Variants in PIEZO1 observed in about 807,000 individuals in gnomAD.
PIEZO1 encodes piezo type mechanosensitive ion channel component 1 (Er blood group), also known as piezo-type mechanosensitive ion channel component 1.
In PIEZO1, 296 loss-of-function variants were observed where a neutral mutation model predicts 297.2. The observed-to-expected ratio is 1.00, with a 90% CI of 0.91 to 1.10. The LOEUF (loss-of-function observed/expected upper bound fraction) is 1.10. Ranked by LOEUF, PIEZO1 falls within the 50% of genes least tolerant of loss-of-function variation. The probability of loss-of-function intolerance (pLI) is 0.00; values close to 1 mark genes in which losing one functional copy is unlikely to be tolerated. For synonymous variants in PIEZO1, 2,427 were observed against 1,507.5 expected (o/e 1.61, Z -14.13); for missense variants, 5,018 against 3,455.5 (o/e 1.45, Z -11.34).
intron 10 of PIEZO1, 49 bp from the exon 11 acceptor site, chr16:88,736,788 C>G (rs1296174221): frequency 5.2e-6 from 6 of 1,144,792 alleles, no homozygotes; most frequent in Non-Finnish European, 7.4e-6. Flanking sequence ...CTGCAGGCCT[C>G]CCCACCCTGA....
chr16:88,774,425 G>A (rs1400208742), intron 1 of PIEZO1, among the ~76,000 whole-genome samples: 2 of 152,096 alleles, frequency 1.3e-5, no homozygotes, highest in African/African-American at 4.8e-5. Flanking sequence ...AATATAAACT[G>A]GAGAAAGACA....
At chr16:88,751,125 C>T (rs1906368139) in intron 1 of PIEZO1, among the ~76,000 whole-genome samples, 1 of 152,198 alleles carries the variant, frequency 6.6e-6, no homozygotes, top group Non-Finnish European at 1.5e-5. Context: ...CAGCCCAGCC[C>T]AGCTCTCACC....
rs925317689 is a variant in PIEZO1, at chr16:88,734,657, C to G, written c.1990G>C (p.Asp664His). The G allele has an allele frequency of 3.9e-6, 6 of 1,550,214 alleles. No individual in the cohort carries two copies. The South Asian group carries it at 4.8e-5, about 12-fold the overall frequency. Residue 664 changes from aspartate to histidine, a missense_variant, in exon 15 of 51, where the codon GAC becomes CAC. By Grantham distance (81) the Asp-to-His change is moderately conservative. Coordinates refer to ENST00000301015, the MANE Select transcript of PIEZO1 (RefSeq NM_001142864.4). Reference protein sequence around the residue: ...AYWRNLTGFTDEQLGDLGLEQ... With the variant: ...AYWRNLTGFTHEQLGDLGLEQ... ...GCCCCAGCCTGGACTCACTGCTCGT[C>G]GGTGAAGCCAGTGAGGTTGCGCCAG...
Position 88,721,921 on chromosome 16 carries a change from C to G in PIEZO1, c.5101G>C (p.Val1701Leu). ...CYFIIILNHM[V>L]TASAGSLVLP... ...ACCAGCGAGCCGGCGGAGGCCGTGA[C>G]CATGTGGTTGAGGATGATGATGAAG... The change falls in exon 37 of 51, where the codon GTC (valine) becomes CTC (leucine). Residue 1701 changes from valine to leucine, a missense_variant. Coordinates refer to ENST00000301015, the MANE Select transcript of PIEZO1 (RefSeq NM_001142864.4). 1 of 1,550,172 alleles carries G rather than the reference C, an allele frequency of 6.5e-7. No individual in the cohort carries two copies. The highest frequency in any genetic ancestry group is 8.7e-7 in the Non-Finnish European group (1 of 1,146,824).
intron 1 of PIEZO1, among the ~76,000 whole-genome samples, chr16:88,780,470 G>GT (rs1907880832): frequency 1.3e-5 from 2 of 152,168 alleles, no homozygotes; most frequent in African/African-American, 2.4e-5. Flanking sequence ...AGGGGCAGGG[G>GT]TTGGCTGGGA....
intron 1 of PIEZO1, among the ~76,000 whole-genome samples, chr16:88,784,488 G>GC (rs1908083970): frequency 7.0e-6 from 1 of 143,714 alleles, no homozygotes; most frequent in Non-Finnish European, 1.6e-5. Flanking sequence ...GCAACTTTGC[G>GC]CTTTTTTTTT....
chr16:88,744,221 C>G (rs950342162), intron 2 of PIEZO1: 12 of 154,638 alleles, frequency 7.8e-5, no homozygotes, highest in African/African-American at 2.7e-4. Context: ...CCTGCCACAC[C>G]TGCCTGGGAA....
chr16:88,737,257 G>C (rs1224870423), intron 10 of PIEZO1: 3 of 363,710 alleles, frequency 8.2e-6, no homozygotes, highest in African/African-American at 6.7e-5. Flanking sequence ...AGACAGCATA[G>C]CCACATTCTC....
rs1314251865 is a variant in PIEZO1 at position 88,726,853 on chromosome 16, C to G, written c.3561G>C (p.Leu1187=). 14 of 1,550,392 alleles carry G rather than the reference C, an allele frequency of 9.0e-6. No individual in the cohort carries two copies. The South Asian group carries it at 1.2e-4, about 13-fold the overall frequency. The change falls in exon 25 of 51, where the codon CTG becomes CTC. Residue 1187 remains leucine (L), a synonymous_variant. Transcript: ENST00000301015. The part of the protein sequence containing the change: ...TGATRISIFG[L]GYLLACFYLL... ...GGTAGAAGCAGGCCAGCAGGTAGCC[C>G]AGCCCGAAGATGCTGATGCGGGTGG...
At chr16:88,737,275 G>A in intron 10 of PIEZO1, 3 of 394,900 alleles carry the variant, frequency 7.6e-6, no homozygotes, top group East Asian at 5.9e-5. Context: ...CTCTGGGGAG[G>A]GGTTGGGGGA....
intron 1 of PIEZO1, among the ~76,000 whole-genome samples, chr16:88,776,799 C>T (rs1046485705): frequency 1.6e-4 from 24 of 152,342 alleles, no homozygotes; most frequent in Admixed American, 6.5e-4. Context: ...CTGCCACCCA[C>T]GGCCCCTGAG....
intron 38 of PIEZO1, 23 bp downstream of exon 38, chr16:88,721,515 T>C: frequency 6.5e-7 from 1 of 1,542,480 alleles, no homozygotes; most frequent in African/African-American, 1.4e-5. Flanking sequence ...AGCCCCGCAT[T>C]GCCAGCCAAG....
At chr16:88,766,440 TAG>T (rs1362873295) in intron 1 of PIEZO1, among the ~76,000 whole-genome samples, 1 of 152,114 alleles carries the variant, frequency 6.6e-6, no homozygotes, top group Admixed American at 6.5e-5. Context: ...ATTTCACAGG[TAG>T]AGAGACATAT....
chr16:88,722,342 G>A lies in PIEZO1; in HGVS notation c.4831C>T (p.Leu1611=), dbSNP rs1473980601. Residue 1611 remains leucine, a synonymous_variant, in exon 36 of 51, where the codon CTG becomes TTG. Transcript: ENST00000301015. The part of the protein sequence containing the change: ...SSMTDDMGSP[L]STGYHTRSGS... ...CTGCGCGTGTGGTAGCCGGTGCTCA[G>A]GGGGCTGCCCATGTCGTCTGTCATG... is the stretch of plus-strand genomic sequence containing the variant. 2 of 1,539,758 alleles carry A rather than the reference G, an allele frequency of 1.3e-6. No homozygotes were observed. The highest frequency in any genetic ancestry group is 1.4e-5 in the African/African-American group (1 of 72,972).
In PIEZO1 at chr16:88,732,721, G is replaced by A; in HGVS notation, c.2676C>T (p.Asn892=). The A allele has an allele frequency of 9.7e-6, 15 of 1,547,312 alleles. No homozygotes were observed. The highest frequency in any genetic ancestry group is 1.3e-5 in the Non-Finnish European group (15 of 1,145,210). Residue 892 remains asparagine, a synonymous_variant, in exon 20 of 51, where the codon AAC becomes AAT. Coordinates refer to ENST00000301015, the MANE Select transcript of PIEZO1 (RefSeq NM_001142864.4). ...TCTCCGTGGGCAGCAAGTTGGTGCT[G>A]TTGGGGAAGGGCTGGCAAGAGGCCA... ...YSSNCTEPFP[N]STNLLPTEIS... is the part of the protein sequence containing the mutation.
chr16:88,734,396 C>A lies in PIEZO1; in HGVS notation c.2140G>T (p.Val714Leu). Residue 714 changes from valine (V) to leucine (L), a missense_variant, in exon 16 of 51, where the codon GTG becomes TTG. By Grantham distance (32) the Val-to-Leu change is conservative (BLOSUM62 1). Transcript: ENST00000301015. ...PFMQLTDMEHVSLPGTRLPRW... is the reference protein window; with the variant it reads ...PFMQLTDMEHLSLPGTRLPRW... ...GGGAGGCGCGTGCCAGGCAGGGACA[C>A]GTGCTCCATGTCGGTGAGCTGCATG... is the stretch of plus-strand genomic sequence containing the variant. 6.5e-7 allele frequency: 1 copy of A among 1,548,150 alleles called. No homozygotes were observed.
intron 1 of PIEZO1, among the ~76,000 whole-genome samples, chr16:88,754,593 G>T (rs1055547054): frequency 6.6e-6 from 1 of 152,198 alleles, no homozygotes; most frequent in African/African-American, 2.4e-5. Context: ...GACGAGGCCT[G>T]AAGGACTGTC....
chr16:88,755,455 A>T (rs938149688), intron 1 of PIEZO1, among the ~76,000 whole-genome samples: 1 of 151,818 alleles, frequency 6.6e-6, no homozygotes, highest in Non-Finnish European at 1.5e-5. Flanking sequence ...TGGCCACCCC[A>T]CCCGCCACGT....
At chr16:88,722,123 C>A in intron 36 of PIEZO1, 57 bp from the exon 37 acceptor site, 1 of 1,524,520 alleles carries the variant, frequency 6.6e-7, no homozygotes, top group Non-Finnish European at 8.8e-7. Context: ...GCATGACGGC[C>A]CGATCTGTTG....
Sources: gnomAD v4.1 joint callset for allele counts (sites outside exome capture counted in the v4.1 genomes callset) on GRCh38, gnomAD v4.1.1 for gene constraint, MANE v1.5 for transcripts, NCBI Gene and HGNC (gene_info 2026-07-23, HGNC 2026-07-21) for gene names.